The following MAP4K4 variants were observed in gnomAD, a reference collection of about 807,000 sequenced individuals.
MAP4K4 encodes the protein HPK/GCK-like kinase HGK.
In MAP4K4, 38 loss-of-function variants were observed where a neutral mutation model predicts 189.6. The ratio of observed to expected loss-of-function variants is 0.20; its 90% CI spans 0.15 to 0.26. The LOEUF is 0.26. Ranked by LOEUF, MAP4K4 falls within the 10% of genes least tolerant of loss-of-function variation. The probability of loss-of-function intolerance (pLI) is 1.00; values close to 1 mark genes in which losing one functional copy is unlikely to be tolerated. For synonymous variants in MAP4K4, 610 were observed against 624.3 expected (o/e 0.98, Z 0.34); for missense variants, 1,054 against 1,726.9 (o/e 0.61, Z 6.91).
intron 8 of MAP4K4, among the ~76,000 whole-genome samples, chr2:101,834,913 A>G (rs1203698966): frequency 6.6e-6 from 1 of 152,188 alleles, no homozygotes; most frequent in Admixed American, 6.5e-5. Flanking sequence ...TTGCTTCTCC[A>G]TTGGATTAAT....
chr2:101,768,320 A>G (rs1238360204), intron 2 of MAP4K4, among the ~76,000 whole-genome samples: 1 of 152,194 alleles, frequency 6.6e-6, no homozygotes, highest in Non-Finnish European at 1.5e-5. Flanking sequence ...TATTTAATAT[A>G]TATTGCTTTT....
intron 2 of MAP4K4, among the ~76,000 whole-genome samples, chr2:101,716,210 G>C (rs931598073): frequency 2.6e-5 from 4 of 152,194 alleles, no homozygotes; most frequent in Non-Finnish European, 5.9e-5. Context: ...TTGGGAGGCC[G>C]AGGTGGGCGG....
intron 3 of MAP4K4, among the ~76,000 whole-genome samples, chr2:101,794,651 T>G (rs2093463981): frequency 6.6e-6 from 1 of 152,228 alleles, no homozygotes; most frequent in African/African-American, 2.4e-5. Context: ...TCATAAAATT[T>G]TACCTAATGT....
chr2:101,772,140 C>T (rs1267411956), intron 2 of MAP4K4, among the ~76,000 whole-genome samples: 2 of 152,188 alleles, frequency 1.3e-5, no homozygotes, highest in East Asian at 3.8e-4. Flanking sequence ...CATTTTTGTC[C>T]TTGGACTCAA....
At chr2:101,881,071 T>C (rs1409095903) in intron 27 of MAP4K4, among the ~76,000 whole-genome samples, 1 of 152,234 alleles carries the variant, frequency 6.6e-6, no homozygotes, top group African/African-American at 2.4e-5. Context: ...AAAGTACTGA[T>C]GTCTTGACAG....
chr2:101,699,607 G>A (rs1232305720), intron 2 of MAP4K4, among the ~76,000 whole-genome samples: 2 of 152,168 alleles, frequency 1.3e-5, no homozygotes, highest in South Asian at 2.1e-4. Flanking sequence ...TGGAGTTGGG[G>A]GGGTTGGAAG....
intron 28 of MAP4K4, 37 bp from the exon 29 acceptor site, chr2:101,885,150 C>A: frequency 8.3e-7 from 1 of 1,205,416 alleles, no homozygotes; most frequent in South Asian, 1.3e-5. Flanking sequence ...TGATACTGAC[C>A]TGTGCTTCTC....
chr2:101,859,025 G>C, exon 14 of MAP4K4: 1 of 1,612,816 alleles, frequency 6.2e-7, no homozygotes, highest in Non-Finnish European at 8.5e-7. Context: ...TAGAAGAGGA[G>C]CAGCGGCACT....
In MAP4K4 at chr2:101,813,068, G is replaced by A. The variant is rs189124341; in HGVS notation, c.181-10860G>A. On this transcript the variant is annotated intron_variant, in intron 3 of 32. Transcript: ENST00000324219. ...GGCGTGAACCCAGGAGGCGGAGCTT[G>A]CAGTGAGCCAAGATAGTGCCGGCCT... is the stretch of plus-strand genomic sequence containing the variant. Among the ~76,000 whole-genome samples, 531 of 152,294 alleles carry A rather than the reference G, an allele frequency of 3.5e-3. 2 individuals carry two copies. Among genetic ancestry groups the A allele is most frequent in the African/African-American group, 0.012 (516 of 41,552 alleles).
intron 2 of MAP4K4, among the ~76,000 whole-genome samples, chr2:101,715,624 T>C (rs995962735): frequency 9.2e-5 from 14 of 152,212 alleles, no homozygotes; most frequent in Admixed American, 8.5e-4. Context: ...AGTGAACATT[T>C]AGTTTGAGAG....
intron 2 of MAP4K4, among the ~76,000 whole-genome samples, chr2:101,707,212 C>CTT (rs545502305): frequency 1.6e-4 from 21 of 133,928 alleles, no homozygotes; most frequent in South Asian, 4.9e-4. Context: ...TTTATTTTAT[C>CTT]TTTTTTTTTT....
chr2:101,731,694 T>C (rs1243297295), intron 2 of MAP4K4, among the ~76,000 whole-genome samples: 1 of 148,772 alleles, frequency 6.7e-6, no homozygotes. Flanking sequence ...AAGGCTACAG[T>C]GAGTCGTGTT....
intron 2 of MAP4K4, among the ~76,000 whole-genome samples, chr2:101,711,960 A>G (rs896831011): frequency 7.1e-6 from 1 of 140,730 alleles, no homozygotes; most frequent in Non-Finnish European, 1.5e-5. Context: ...TCTCATTGGT[A>G]GTCTGTCTTG....
At chr2:101,884,552 A>G (rs1418975510) in intron 28 of MAP4K4, among the ~76,000 whole-genome samples, 6 of 152,218 alleles carry the variant, frequency 3.9e-5, no homozygotes, top group Non-Finnish European at 5.9e-5. Context: ...ATGGATCTGC[A>G]TTAGTAAGTC....
At chr2:101,855,086 G>C (rs1489055134) in intron 12 of MAP4K4, among the ~76,000 whole-genome samples, 3 of 152,216 alleles carry the variant, frequency 2.0e-5, no homozygotes, top group African/African-American at 7.2e-5. Flanking sequence ...AGCTAGAAGA[G>C]TGAGTTGTCA....
intron 2 of MAP4K4, among the ~76,000 whole-genome samples, chr2:101,790,096 TG>T (rs2092605283): frequency 6.6e-6 from 1 of 152,212 alleles, no homozygotes; most frequent in Admixed American, 6.5e-5. Flanking sequence ...CGTCATGTTA[TG>T]CTTTAGCTTG....
In MAP4K4 at chr2:101,792,630, T is replaced by TC. The variant is rs1558948750; in HGVS notation, c.180+1855dup. ...TCCTCCTCCTCCTCCTCCTCCTCCT[T>TC]CTTCTTTCTTCTTCTTATTTTTTGA... On this transcript the variant is annotated intron_variant, in intron 3 of 32. Coordinates refer to ENST00000324219, the Ensembl canonical transcript of MAP4K4. Among the ~76,000 whole-genome samples the TC allele has an allele frequency of 1.6e-3, 185 of 114,866 alleles. 2 individuals carry two copies. The highest frequency in any genetic ancestry group is 6.8e-3 in the African/African-American group (160 of 23,370). 75.4% of individuals were successfully genotyped at this position (114,866 alleles called of 152,430 possible). A position where few individuals can be genotyped will look rare whatever the true frequency, so the allele number is the denominator to read the frequency against.
At chr2:101,828,852 C>G (rs1559100248) in intron 5 of MAP4K4, among the ~76,000 whole-genome samples, 1 of 152,156 alleles carries the variant, frequency 6.6e-6, no homozygotes, top group African/African-American at 2.4e-5. Context: ...GTTCTTCCAC[C>G]ACCTCTCGTA....
At chr2:101,737,752 C>A (rs1017349581) in intron 2 of MAP4K4, among the ~76,000 whole-genome samples, 1 of 151,808 alleles carries the variant, frequency 6.6e-6, no homozygotes, top group African/African-American at 2.4e-5. Context: ...AGGAAAAAAA[C>A]CCTGTCAATT....
Sources: allele counts gnomAD v4.1 joint callset (sites outside exome capture counted in the v4.1 genomes callset), GRCh38; gene constraint gnomAD v4.1.1; transcripts MANE v1.5; gene names NCBI Gene and HGNC (gene_info 2026-07-23, HGNC 2026-07-21).